The following NRF1 variants were observed in gnomAD, a reference collection of about 807,000 sequenced individuals.
NRF1 encodes the protein nuclear respiratory factor 1.
NRF1 carries 5 observed loss-of-function variants against 58.5 expected under a neutral mutation model. That is an observed-to-expected ratio of 0.09 (90% CI 0.04 to 0.18). The LOEUF (loss-of-function observed/expected upper bound fraction) is 0.18, where lower values mean the gene tolerates loss of function less well. Ranked by LOEUF, NRF1 falls within the 10% of genes least tolerant of loss-of-function variation. The probability of loss-of-function intolerance (pLI) is 1.00; values close to 1 mark genes in which losing one functional copy is unlikely to be tolerated. For missense variants in NRF1, 288 were observed against 657.7 expected, an observed-to-expected ratio of 0.44 and a Z score of 6.15; for synonymous variants, 224 against 246.7, an observed-to-expected ratio of 0.91 and a Z score of 0.86.
At chr7:129,667,264 AT>A (rs1403014391) in intron 2 of NRF1, among the ~76,000 whole-genome samples, 1 of 152,032 alleles carries the variant, frequency 6.6e-6, no homozygotes, top group Non-Finnish European at 1.5e-5. Context: ...AGTCTTTTTC[AT>A]TTTTGCAGAT....
Position 129,635,630 on chromosome 7 carries a change from C to G in NRF1, c.-6-21716C>G, listed in dbSNP as rs187163175. Among the ~76,000 whole-genome samples the G allele has an allele frequency of 2.3e-3, 356 of 152,234 alleles. 6 individuals carry two copies. Among genetic ancestry groups the G allele is most frequent in the Non-Finnish European group, 4.1e-4 (28 of 68,020 alleles). ...GTCTTCCTAATAAACACTTTTGGACCGCAGGGTTCAGACTCTCCTGGGGTG... is the reference window on the plus strand; with the variant it reads ...GTCTTCCTAATAAACACTTTTGGACGGCAGGGTTCAGACTCTCCTGGGGTG... On this transcript the variant is annotated intron_variant, in intron 1 of 10. Transcript: ENST00000393232.
Position 129,674,901 on chromosome 7 carries a change from C to A in NRF1, c.339-2731C>A, listed in dbSNP as rs1278353444. Among the ~76,000 whole-genome samples the A allele has an allele frequency of 2.6e-5, 4 of 152,164 alleles. No individual in the cohort carries two copies. The South Asian group carries it at 8.3e-4, about 32-fold the overall frequency. On this transcript the variant is annotated intron_variant, in intron 3 of 10. Transcript: ENST00000393232. ...CTGCGGCAATTTCTTAAAAATAATA[C>A]AACAAATTTTGCCCTATCGATTGAC... is the stretch of plus-strand genomic sequence containing the variant.
Position 129,677,651 on chromosome 7 carries a change from G to A in NRF1, c.358G>A (p.Asp120Asn), listed in dbSNP as rs927743550. 1 of 1,613,892 alleles carries A rather than the reference G, an allele frequency of 6.2e-7. No homozygotes were observed. The highest frequency in any genetic ancestry group is 8.5e-7 in the Non-Finnish European group (1 of 1,179,996). The change falls in exon 4 of 11, where the codon GAT (aspartate) becomes AAT (asparagine). Residue 120 changes from aspartate to asparagine, a missense_variant. Physicochemically the swap from Asp to Asn is conservative, Grantham distance 23. Around this residue, in one of 3 missense-constraint regions of NRF1, gnomAD observed 212 missense variants for 559.7 expected, o/e 0.38. Transcript: ENST00000393232. ...ATTCAGGAAACTTCGAGCCACGTTA[G>A]ATGAATATACTACTCGTGTGGGACA... ...RLLRKLRATL[D>N]EYTTRVGQQA...
intron 4 of NRF1, among the ~76,000 whole-genome samples, chr7:129,688,724 G>A (rs977212254): frequency 2.0e-5 from 3 of 152,168 alleles, no homozygotes; most frequent in African/African-American, 7.2e-5. Flanking sequence ...CAGGTGCGGA[G>A]AGGGAATGCC....
chr7:129,753,437 TC>T (rs1330551391), intron 10 of NRF1, among the ~76,000 whole-genome samples: 1 of 152,226 alleles, frequency 6.6e-6, no homozygotes, highest in Non-Finnish European at 1.5e-5. Flanking sequence ...AGTTGCCCCT[TC>T]CACTTCTCTG....
chr7:129,702,774 CT>C (rs1802856164), intron 5 of NRF1, among the ~76,000 whole-genome samples: 1 of 152,140 alleles, frequency 6.6e-6, no homozygotes, highest in African/African-American at 2.4e-5. Flanking sequence ...CAACTGCCTT[CT>C]CTTTAAATTT....
intron 10 of NRF1, among the ~76,000 whole-genome samples, chr7:129,753,344 T>C (rs1054982331): frequency 1.3e-5 from 2 of 152,194 alleles, no homozygotes; most frequent in African/African-American, 2.4e-5. Context: ...AAATTCAAAC[T>C]TTCCACTCAT....
intron 3 of NRF1, among the ~76,000 whole-genome samples, chr7:129,677,187 A>G (rs1802202255): frequency 1.3e-5 from 2 of 151,986 alleles, no homozygotes; most frequent in African/African-American, 2.4e-5. Flanking sequence ...ATGTTTTTGT[A>G]TTTTTAGTAG....
At position 129,755,454 on chromosome 7, in the gene NRF1, G is replaced by A. The variant is rs768595292; in HGVS notation, c.*273G>A. The A allele has an allele frequency of 8.7e-6, 3 of 345,148 alleles. No individual in the cohort carries two copies. Among genetic ancestry groups the A allele is most frequent in the Non-Finnish European group, 1.1e-5 (2 of 186,486 alleles). 21.4% of individuals were successfully genotyped at this position (345,148 alleles called of 1,614,324 possible). A position where few individuals can be genotyped will look rare whatever the true frequency, so the allele number is the denominator to read the frequency against. ...GACTTCTTTCTGCGGAAATGTGTGT[G>A]TATACTTATGTGTGTGTATGTGTGA... On this transcript the variant is annotated 3_prime_UTR_variant, in exon 11 of 11. Coordinates refer to ENST00000393232, the MANE Select transcript of NRF1 (RefSeq NM_005011.5). This position sits in a 1 kb window ranked among gnomAD's most constrained non-coding sequence, Gnocchi z 5.8.
At chr7:129,672,105 G>T (rs1346777249) in intron 3 of NRF1, among the ~76,000 whole-genome samples, 1 of 151,688 alleles carries the variant, frequency 6.6e-6, no homozygotes, top group East Asian at 2.0e-4. Context: ...AAGAGCAAAG[G>T]CCCCGAGGTG....
chr7:129,617,303 CTGCTACTGAA>C (rs1315618284), intron 1 of NRF1, among the ~76,000 whole-genome samples: 2 of 152,078 alleles, frequency 1.3e-5, no homozygotes, highest in Non-Finnish European at 2.9e-5. Context: ...CGTTTTGTTG[CTGCTACTGAA>C]TGCTAATGTG....
At chr7:129,638,952 A>C (rs1282482648) in intron 1 of NRF1, among the ~76,000 whole-genome samples, 3 of 151,876 alleles carry the variant, frequency 2.0e-5, no homozygotes, top group Middle Eastern at 3.4e-3. Context: ...TTCTAATTTG[A>C]TTTTTTTTCC....
At chr7:129,750,383 C>T (rs1333361872) in intron 10 of NRF1, among the ~76,000 whole-genome samples, 1 of 152,206 alleles carries the variant, frequency 6.6e-6, no homozygotes, top group Non-Finnish European at 1.5e-5. Context: ...GCCTCCAGCC[C>T]CTCCCCCTTT....
At chr7:129,671,308 T>C in intron 2 of NRF1, 121 bp from the exon 3 acceptor site, 1 of 604,562 alleles carries the variant, frequency 1.7e-6, no homozygotes, top group East Asian at 2.8e-5. Flanking sequence ...TCAGGATCAT[T>C]CTTTATTTAC....
chr7:129,713,038 T>C (rs1326299771), intron 8 of NRF1, among the ~76,000 whole-genome samples: 2 of 151,864 alleles, frequency 1.3e-5, no homozygotes, highest in East Asian at 3.9e-4. Context: ...TCCTTCTGTA[T>C]AAAATAATTT....
rs1261790204 is a variant in NRF1, at chr7:129,723,712, G to A, written c.1224-3529G>A. Among the ~76,000 whole-genome samples the A allele has an allele frequency of 3.9e-5, 6 of 152,254 alleles. No homozygotes were observed. The East Asian group carries it at 7.7e-4, about 20-fold the overall frequency. On this transcript the variant is annotated intron_variant, in intron 9 of 10. Transcript: ENST00000393232. ...TGTTGGCACCCTTGTCAAAAACCAT[G>A]TGACCATATAGGTGAAGGTTTATTT...
chr7:129,685,758 G>C (rs560008637), intron 4 of NRF1, among the ~76,000 whole-genome samples: 2 of 152,166 alleles, frequency 1.3e-5, no homozygotes, highest in South Asian at 4.2e-4. Context: ...AGGATACTTG[G>C]GAAGTTTTTT....
chr7:129,652,581 T>C (rs1424243397), intron 1 of NRF1, among the ~76,000 whole-genome samples: 1 of 152,130 alleles, frequency 6.6e-6, no homozygotes, highest in Non-Finnish European at 1.5e-5. Context: ...ACTTCTTCCT[T>C]TTTTAAAATT....
chr7:129,646,359 A>G (rs997363468), intron 1 of NRF1, among the ~76,000 whole-genome samples: 4 of 152,166 alleles, frequency 2.6e-5, no homozygotes, highest in African/African-American at 9.6e-5. Context: ...TTTCTTCTTT[A>G]AGTATTAATC....
Sources: gnomAD v4.1 joint callset for allele counts (sites outside exome capture counted in the v4.1 genomes callset) on GRCh38, gnomAD v4.1.1 for gene constraint, gnomAD v4.1.1 regional missense constraint, Gnocchi (gnomAD v3.1) non-coding constraint, MANE v1.5 for transcripts, NCBI Gene and HGNC (gene_info 2026-07-23, HGNC 2026-07-21) for gene names.